Variants in TMEM132C observed in about 807,000 individuals in gnomAD.
The protein encoded by TMEM132C is transmembrane protein 132C.
A neutral mutation model predicts 61.4 loss-of-function variants in TMEM132C; 29 were observed. The observed-to-expected ratio is 0.47, with a 90% CI of 0.35 to 0.64. The LOEUF is 0.64. TMEM132C is among the 30% of genes least tolerant of loss of function. TMEM132C has a pLI of 0.00. For synonymous variants in TMEM132C, 656 were observed against 633.1 expected (o/e 1.04, Z -0.54); for missense variants, 1,408 against 1,476.9 (o/e 0.95, Z 0.76).
At chr12:128,338,842 A>C (rs1872868927) in intron 1 of TMEM132C, among the ~76,000 whole-genome samples, 1 of 151,176 alleles carries the variant, frequency 6.6e-6, no homozygotes, top group Non-Finnish European at 1.5e-5. Context: ...GAGTTGTTTC[A>C]CATGATGTCA....
At chr12:128,343,505 G>A (rs1343352722) in intron 1 of TMEM132C, among the ~76,000 whole-genome samples, 1 of 151,780 alleles carries the variant, frequency 6.6e-6, no homozygotes, top group East Asian at 1.9e-4. Context: ...TTTCTCATAA[G>A]GTTAGAGCTG....
In TMEM132C at chr12:128,697,246, C is replaced by A. The variant is rs1433789484; in HGVS notation, c.1952C>A (p.Ser651Tyr). ...CAGGTGTTGTCTCCACTGTCTGACT[C>A]CATCCTGGCAGAGAAGACAATAACC... is the stretch of plus-strand genomic sequence containing the variant. ...TIQVLSPLSD[S>Y]ILAEKTITVL... Residue 651 changes from serine to tyrosine, a missense_variant, in exon 8 of 9, where the codon TCC becomes TAC. Transcript: ENST00000435159. 6.5e-7 allele frequency: 1 copy of A among 1,529,724 alleles called. No individual in the cohort carries two copies. The highest frequency in any genetic ancestry group is 8.9e-7 in the Non-Finnish European group (1 of 1,129,676). The allele number at this position is 1,529,724 out of a possible 1,614,324, so 94.8% of individuals were successfully genotyped here. A position where few individuals can be genotyped will look rare whatever the true frequency, so the allele number is the denominator to read the frequency against.
intron 1 of TMEM132C, among the ~76,000 whole-genome samples, chr12:128,391,874 G>C (rs960422898): frequency 6.6e-6 from 1 of 152,080 alleles, no homozygotes; most frequent in Non-Finnish European, 1.5e-5. Flanking sequence ...TATGGCCTTC[G>C]AACTAAGAAT....
chr12:128,277,961 C>T (rs532018642), intron 1 of TMEM132C, among the ~76,000 whole-genome samples: 1 of 152,202 alleles, frequency 6.6e-6, no homozygotes, highest in Admixed American at 6.5e-5. Flanking sequence ...AACATCCCTC[C>T]AATAAGAGAT....
intron 5 of TMEM132C, among the ~76,000 whole-genome samples, chr12:128,685,547 C>T (rs912233234): frequency 5.9e-5 from 9 of 152,166 alleles, no homozygotes; most frequent in Non-Finnish European, 1.2e-4. Flanking sequence ...CAAGTTCCAA[C>T]GACTAGCAGA....
Position 128,636,564 on chromosome 12 carries a change from TTGTGTGTGTG to T in TMEM132C, c.1305+20261_1305+20270del, listed in dbSNP as rs61201583. 7.4e-3 allele frequency among the ~76,000 whole-genome samples: 1,050 copies of T among 142,338 alleles called. 8 individuals are homozygous for T. Among genetic ancestry groups the T allele is most frequent in the African/African-American group, 0.023 (864 of 38,146 alleles). The allele number at this position is 142,338 out of a possible 152,430, so 93.4% of individuals were successfully genotyped here. ...TCTGTTTTGTTTTTTGGGTTTTTGT[TTGTGTGTGTG>T]TGTGTGTGTGTGTGTGTGTGTGTGT... On this transcript the variant is annotated intron_variant, in intron 4 of 8. Coordinates refer to ENST00000435159, the MANE Select transcript of TMEM132C (RefSeq NM_001136103.3).
intron 1 of TMEM132C, among the ~76,000 whole-genome samples, chr12:128,374,117 A>G (rs1874109619): frequency 6.6e-6 from 1 of 152,194 alleles, no homozygotes; most frequent in Admixed American, 6.5e-5. Context: ...GGCACTGTGG[A>G]TGATGACTGG....
chr12:128,411,468 A>G (rs556033075), intron 1 of TMEM132C, among the ~76,000 whole-genome samples: 1 of 152,276 alleles, frequency 6.6e-6, no homozygotes, highest in Admixed American at 6.5e-5. Context: ...ATCTTTTAAC[A>G]TCATTATTTA....
At chr12:128,333,183 T>C (rs1226638118) in intron 1 of TMEM132C, among the ~76,000 whole-genome samples, 1 of 141,270 alleles carries the variant, frequency 7.1e-6, no homozygotes, top group Non-Finnish European at 1.5e-5. Context: ...TGTGTGGGAG[T>C]GTGTGTGTGT....
intron 1 of TMEM132C, among the ~76,000 whole-genome samples, chr12:128,357,887 A>T (rs781185343): frequency 6.6e-6 from 1 of 151,288 alleles, no homozygotes; most frequent in Non-Finnish European, 1.5e-5. Context: ...CACATCCCCA[A>T]CCATGGACTG....
chr12:128,580,406 G>A (rs1038843658), intron 3 of TMEM132C, among the ~76,000 whole-genome samples: 23 of 152,074 alleles, frequency 1.5e-4, no homozygotes, highest in African/African-American at 5.6e-4. Context: ...GGGCGACAGA[G>A]CCAGACTCCA....
chr12:128,435,010 C>A (rs142466551), intron 2 of TMEM132C, among the ~76,000 whole-genome samples: 108 of 152,080 alleles, frequency 7.1e-4, no homozygotes, highest in African/African-American at 2.6e-3. Flanking sequence ...TAACCTCCAG[C>A]CCCTCCGAAT....
At chr12:128,535,414 A>G (rs1443118241) in intron 2 of TMEM132C, among the ~76,000 whole-genome samples, 1 of 152,222 alleles carries the variant, frequency 6.6e-6, no homozygotes, top group Non-Finnish European at 1.5e-5. Context: ...CAACCCCATG[A>G]AAAAGTGGGC....
At chr12:128,319,958 A>G (rs1872276413) in intron 1 of TMEM132C, among the ~76,000 whole-genome samples, 2 of 152,138 alleles carry the variant, frequency 1.3e-5, no homozygotes, top group Non-Finnish European at 2.9e-5. Context: ...AGGTGATGAA[A>G]TTGTTGGCGG....
intron 1 of TMEM132C, among the ~76,000 whole-genome samples, chr12:128,317,660 G>A (rs552422935): frequency 8.1e-4 from 124 of 152,298 alleles, no homozygotes; most frequent in African/African-American, 2.9e-3. Context: ...CAAGGTGGGC[G>A]GATCTCTTGA....
intron 3 of TMEM132C, among the ~76,000 whole-genome samples, chr12:128,584,336 T>C (rs559706077): frequency 7.2e-5 from 11 of 152,268 alleles, no homozygotes; most frequent in African/African-American, 2.6e-4. Flanking sequence ...CCAGAGCACA[T>C]GTCACCTCCT....
At chr12:128,398,697 T>C (rs1208323244) in intron 1 of TMEM132C, among the ~76,000 whole-genome samples, 1 of 152,234 alleles carries the variant, frequency 6.6e-6, no homozygotes, top group Non-Finnish European at 1.5e-5. Context: ...AATCTCTTTA[T>C]GTGAAAATTA....
chr12:128,538,296 G>T (rs1358156679), intron 2 of TMEM132C, among the ~76,000 whole-genome samples: 2 of 151,826 alleles, frequency 1.3e-5, no homozygotes, highest in Non-Finnish European at 2.9e-5. Flanking sequence ...AATTTTTTTT[G>T]TATTTTCAGT....
intron 2 of TMEM132C, among the ~76,000 whole-genome samples, chr12:128,448,077 C>T (rs1870050602): frequency 1.3e-5 from 2 of 152,092 alleles, no homozygotes; most frequent in Admixed American, 1.3e-4. Flanking sequence ...AACAAATAAC[C>T]TGCTGAATGT....
Sources: gnomAD v4.1 joint callset for allele counts (sites outside exome capture counted in the v4.1 genomes callset) on GRCh38, gnomAD v4.1.1 for gene constraint, MANE v1.5 for transcripts, NCBI Gene and HGNC (gene_info 2026-07-23, HGNC 2026-07-21) for gene names.